The following CDH12 variants were observed in gnomAD, a reference collection of about 807,000 sequenced individuals.
CDH12 encodes the protein cadherin-12.
CDH12 carries 41 observed loss-of-function variants against 74.1 expected under a neutral mutation model. The observed-to-expected ratio is 0.55, with a 90% CI of 0.43 to 0.72. The LOEUF (loss-of-function observed/expected upper bound fraction) is 0.72. CDH12 is among the 30% of genes least tolerant of loss of function. The probability of loss-of-function intolerance (pLI) is 0.00; values close to 1 mark genes in which losing one functional copy is unlikely to be tolerated. For missense variants in CDH12, 945 were observed against 977.2 expected, an observed-to-expected ratio of 0.97 and a Z score of 0.44; for synonymous variants, 399 against 355.0, an observed-to-expected ratio of 1.12 and a Z score of -1.39.
At chr5:22,575,150 G>A (rs1240197145) in intron 1 of CDH12, among the ~76,000 whole-genome samples, 2 of 152,102 alleles carry the variant, frequency 1.3e-5, no homozygotes, top group Admixed American at 1.3e-4. Flanking sequence ...CAAGGAGGGA[G>A]AAATAGATCC....
intron 2 of CDH12, among the ~76,000 whole-genome samples, chr5:22,488,365 T>G (rs896960791): frequency 6.6e-6 from 1 of 152,226 alleles, no homozygotes; most frequent in African/African-American, 2.4e-5. Context: ...AAATGTTTTT[T>G]ATTTTTCCAG....
chr5:22,163,489 C>T (rs1748482598), intron 4 of CDH12, among the ~76,000 whole-genome samples: 2 of 152,190 alleles, frequency 1.3e-5, no homozygotes, highest in South Asian at 4.1e-4. Flanking sequence ...TAGTCTTACC[C>T]ACTTCAGTTG....
At chr5:22,596,496 A>T (rs1736614733) in intron 1 of CDH12, among the ~76,000 whole-genome samples, 1 of 152,190 alleles carries the variant, frequency 6.6e-6, no homozygotes, top group South Asian at 2.1e-4. Flanking sequence ...AAAGAAAATA[A>T]AATCTGAAAG....
At position 21,783,488 on chromosome 5, in the gene CDH12, G is replaced by A. The variant is rs771164108; in HGVS notation, c.1263C>T (p.Phe421=). The change falls in exon 11 of 15, where the codon TTC becomes TTT. Residue 421 remains phenylalanine (F), a synonymous_variant. Transcript: ENST00000382254. ...LDVGSSAVRY[F]IDWKSDGDSY... is the part of the protein sequence containing the mutation. ...TGTCCCCATCACTCTTCCAATCTAT[G>A]AAGTACCTGTATATGAAAAGAGTAG... 33 of 1,604,622 alleles carry A rather than the reference G, an allele frequency of 2.1e-5. No individual in the cohort carries two copies. Among genetic ancestry groups the A allele is most frequent in the Non-Finnish European group, 2.7e-5 (32 of 1,171,996 alleles).
chr5:22,361,738 A>T (rs1740809677), intron 3 of CDH12, among the ~76,000 whole-genome samples: 1 of 152,126 alleles, frequency 6.6e-6, no homozygotes, highest in Admixed American at 6.5e-5. Flanking sequence ...AGAGATATAG[A>T]CCAATGGAAC....
intron 11 of CDH12, among the ~76,000 whole-genome samples, chr5:21,774,120 G>T (rs1210084357): frequency 1.3e-5 from 2 of 152,088 alleles, no homozygotes; most frequent in African/African-American, 4.8e-5. Context: ...CCGTGAGGGT[G>T]TTGCCAAAGC....
chr5:22,081,320 A>G (rs1742711782), intron 4 of CDH12, among the ~76,000 whole-genome samples: 1 of 152,194 alleles, frequency 6.6e-6, no homozygotes, highest in Non-Finnish European at 1.5e-5. Flanking sequence ...ATCTATTTCA[A>G]TAACGTGTAA....
chr5:21,856,234 T>G (rs1750748124), intron 6 of CDH12, among the ~76,000 whole-genome samples: 1 of 151,682 alleles, frequency 6.6e-6, no homozygotes. Context: ...AAACTACCTT[T>G]CTATAATCCT....
chr5:21,863,921 T>C (rs1002041753), intron 6 of CDH12, among the ~76,000 whole-genome samples: 1 of 152,202 alleles, frequency 6.6e-6, no homozygotes, highest in Admixed American at 6.5e-5. Flanking sequence ...CTTGTGTATA[T>C]ACATTGCATT....
chr5:22,126,126 C>A (rs1745851974), intron 4 of CDH12, among the ~76,000 whole-genome samples: 1 of 151,756 alleles, frequency 6.6e-6, no homozygotes, highest in African/African-American at 2.4e-5. Flanking sequence ...CTATTATAGA[C>A]CTGCATATAT....
At position 21,852,269 on chromosome 5, in the gene CDH12, G is replaced by C. The variant is rs1184981161; in HGVS notation, c.646+2402C>G. On this transcript the variant is annotated intron_variant, in intron 7 of 14. Coordinates refer to ENST00000382254, the MANE Select transcript of CDH12 (RefSeq NM_004061.5). ...GTTAATATCAAGACTTCTGTCTCCAGTGAAAATCAATGCTTCAAAAATCTA... is the reference window on the plus strand; with the variant it reads ...GTTAATATCAAGACTTCTGTCTCCACTGAAAATCAATGCTTCAAAAATCTA... Among the ~76,000 whole-genome samples the C allele has an allele frequency of 2.0e-5, 3 of 151,268 alleles. No individual in the cohort carries two copies. In the East Asian group the frequency reaches 5.8e-4, roughly 29 times the overall value.
chr5:22,761,185 A>G (rs1187460558), intron 1 of CDH12, among the ~76,000 whole-genome samples: 3 of 152,190 alleles, frequency 2.0e-5, no homozygotes, highest in East Asian at 1.9e-4. Flanking sequence ...GAAAAGCTCC[A>G]GTGGACAAAC....
intron 5 of CDH12, among the ~76,000 whole-genome samples, chr5:22,043,988 A>G (rs1051427659): frequency 6.6e-6 from 1 of 152,074 alleles, no homozygotes; most frequent in Non-Finnish European, 1.5e-5. Flanking sequence ...GGAAGAATCA[A>G]TATTGTTAAA....
chr5:22,673,231 A>T (rs917529939), intron 1 of CDH12, among the ~76,000 whole-genome samples: 2 of 152,168 alleles, frequency 1.3e-5, no homozygotes, highest in African/African-American at 4.8e-5. Context: ...ATTAAAACAA[A>T]CTTGATTATT....
intron 1 of CDH12, among the ~76,000 whole-genome samples, chr5:22,697,890 A>G (rs772880983): frequency 2.6e-5 from 4 of 152,182 alleles, no homozygotes; most frequent in Non-Finnish European, 4.4e-5. Flanking sequence ...CTGAGAAGAC[A>G]CATGGAGTAG....
chr5:22,208,482 T>G (rs1751351298), intron 4 of CDH12, among the ~76,000 whole-genome samples: 1 of 152,248 alleles, frequency 6.6e-6, no homozygotes, highest in African/African-American at 2.4e-5. Context: ...TCTACTGGCC[T>G]CATTACTGCA....
intron 2 of CDH12, among the ~76,000 whole-genome samples, chr5:22,422,070 T>C (rs1375570381): frequency 2.0e-5 from 3 of 152,324 alleles, no homozygotes; most frequent in Non-Finnish European, 4.4e-5. Flanking sequence ...TCTCTTTCTT[T>C]CTTTCTCTTG....
intron 3 of CDH12, among the ~76,000 whole-genome samples, chr5:22,390,889 T>A (rs1177051892): frequency 6.6e-6 from 1 of 152,168 alleles, no homozygotes; most frequent in Non-Finnish European, 1.5e-5. Context: ...TTTAATAGAT[T>A]GACCTTAAAA....
At chr5:21,880,612 C>CTCTCTCTCTTTCTTTCT (rs1561268318) in intron 6 of CDH12, among the ~76,000 whole-genome samples, 10 of 69,872 alleles carry the variant, frequency 1.4e-4, no homozygotes, top group African/African-American at 5.9e-4. Context: ...TCCTTCCTTC[C>CTCTCTCTCTTTCTTTCT]TTCCTTCTTT....
Sources: allele counts gnomAD v4.1 joint callset (sites outside exome capture counted in the v4.1 genomes callset), GRCh38; gene constraint gnomAD v4.1.1; transcripts MANE v1.5; gene names NCBI Gene and HGNC (gene_info 2026-07-23, HGNC 2026-07-21).